FER: variants seen among roughly 807,000 people sequenced by gnomAD.
FER encodes tyrosine-protein kinase Fer.
In FER, 63 loss-of-function variants were observed where a neutral mutation model predicts 111.0. The observed-to-expected ratio is 0.57, with a 90% CI of 0.46 to 0.70. The LOEUF (loss-of-function observed/expected upper bound fraction) is 0.70. Ranked by LOEUF, FER falls within the 30% of genes least tolerant of loss-of-function variation. The pLI, the probability that FER is intolerant of heterozygous loss-of-function variation, is 0.00. For missense variants in FER, 914 were observed against 954.0 expected, an observed-to-expected ratio of 0.96 and a Z score of 0.55; for synonymous variants, 327 against 313.9, an observed-to-expected ratio of 1.04 and a Z score of -0.44.
At chr5:109,010,412 C>T (rs564991544) in intron 13 of FER, among the ~76,000 whole-genome samples, 1 of 152,206 alleles carries the variant, frequency 6.6e-6, no homozygotes, top group African/African-American at 2.4e-5. Flanking sequence ...CCGCCTCGGC[C>T]TCTCAAAGCA....
At chr5:108,945,130 T>C (rs1364681313) in intron 10 of FER, among the ~76,000 whole-genome samples, 1 of 152,188 alleles carries the variant, frequency 6.6e-6, no homozygotes, top group East Asian at 1.9e-4. Context: ...CAAAAGATGT[T>C]ATTTGTGACC....
intron 16 of FER, among the ~76,000 whole-genome samples, chr5:109,053,198 AC>A (rs972205208): frequency 1.4e-4 from 22 of 152,114 alleles, no homozygotes; most frequent in African/African-American, 5.3e-4. Flanking sequence ...AGCCTGGCCA[AC>A]ATAGCGAAAC....
At chr5:108,937,909 C>T (rs1755701197) in intron 10 of FER, among the ~76,000 whole-genome samples, 1 of 151,366 alleles carries the variant, frequency 6.6e-6, no homozygotes, top group South Asian at 2.1e-4. Flanking sequence ...TTATAAAGGG[C>T]AAGCAGTAGC....
At chr5:109,029,904 T>C (rs2094468884) in intron 13 of FER, among the ~76,000 whole-genome samples, 1 of 152,178 alleles carries the variant, frequency 6.6e-6, no homozygotes, top group African/African-American at 2.4e-5. Flanking sequence ...TTTCTTTAAG[T>C]ACTCTTTCAG....
chr5:108,840,994 A>G (rs899470432), intron 5 of FER, among the ~76,000 whole-genome samples: 1 of 152,206 alleles, frequency 6.6e-6, no homozygotes, highest in Non-Finnish European at 1.5e-5. Flanking sequence ...CATCATTTGT[A>G]AAATGCCTAG....
At chr5:108,938,563 A>T (rs1427977321) in intron 10 of FER, among the ~76,000 whole-genome samples, 2 of 152,008 alleles carry the variant, frequency 1.3e-5, no homozygotes, top group African/African-American at 2.4e-5. Flanking sequence ...ACAAGGGAGC[A>T]CCTAAGAGAC....
chr5:108,973,184 C>G (rs1050988142), intron 13 of FER, among the ~76,000 whole-genome samples: 1 of 152,078 alleles, frequency 6.6e-6, no homozygotes, highest in South Asian at 2.1e-4. Flanking sequence ...GAATGATATA[C>G]AAGAACAGAC....
At chr5:108,940,283 A>G (rs7732335) in intron 10 of FER, among the ~76,000 whole-genome samples, 43,176 of 151,900 alleles carry the variant, frequency 0.28, 6,816 homozygotes, top group African/African-American at 0.43. Context: ...ACCATAAAAG[A>G]TGTTTTTATG....
At chr5:109,150,927 G>A (rs1184911247) in intron 17 of FER, among the ~76,000 whole-genome samples, 2 of 152,084 alleles carry the variant, frequency 1.3e-5, no homozygotes, top group Admixed American at 1.3e-4. Flanking sequence ...ACTAAATAAT[G>A]TTAAGTTAAT....
intron 13 of FER, 109 bp downstream of exon 13, chr5:108,959,456 A>AGAAG: frequency 9.0e-7 from 1 of 1,105,556 alleles, no homozygotes; most frequent in Non-Finnish European, 1.2e-6. Context: ...AGTTCAGAAA[A>AGAAG]AAAGTTTTGT....
At chr5:109,058,665 A>AC (rs1773949468) in intron 16 of FER, among the ~76,000 whole-genome samples, 1 of 144,794 alleles carries the variant, frequency 6.9e-6, no homozygotes, top group East Asian at 2.0e-4. Context: ...GGCCAAAATA[A>AC]CAATTTGAAA....
At chr5:108,906,397 A>G (rs941540080) in intron 10 of FER, among the ~76,000 whole-genome samples, 5 of 151,976 alleles carry the variant, frequency 3.3e-5, no homozygotes, top group Non-Finnish European at 5.9e-5. Flanking sequence ...TTTGTGATCT[A>G]CTCTTCTCTG....
At chr5:108,813,356 G>A (rs1021945485) in intron 3 of FER, among the ~76,000 whole-genome samples, 2 of 151,962 alleles carry the variant, frequency 1.3e-5, no homozygotes, top group African/African-American at 4.8e-5. Context: ...GTGCCTTTAT[G>A]TAGTTTTCTC....
chr5:108,950,854 A>AG (rs1237713036), intron 11 of FER, among the ~76,000 whole-genome samples: 1 of 152,138 alleles, frequency 6.6e-6, no homozygotes, highest in African/African-American at 2.4e-5. Context: ...TACTACCACC[A>AG]GGCACATTCG....
At chr5:108,931,367 C>A (rs1754651351) in intron 10 of FER, among the ~76,000 whole-genome samples, 1 of 151,952 alleles carries the variant, frequency 6.6e-6, no homozygotes, top group Non-Finnish European at 1.5e-5. Context: ...TGGTGTCTCA[C>A]TGAGCTACAC....
chr5:109,066,673 A>G (rs990652853), intron 16 of FER, among the ~76,000 whole-genome samples: 1 of 152,172 alleles, frequency 6.6e-6, no homozygotes, highest in African/African-American at 2.4e-5. Flanking sequence ...ACCTAGAAAT[A>G]CACCTGTTTT....
chr5:108,851,467 G>A (rs1762540270), intron 5 of FER, among the ~76,000 whole-genome samples: 1 of 151,950 alleles, frequency 6.6e-6, no homozygotes, highest in African/African-American at 2.4e-5. Context: ...ATTTGGGTGG[G>A]GACAAAGCCA....
chr5:109,080,330 G>T (rs994654087), intron 16 of FER, among the ~76,000 whole-genome samples: 2 of 152,050 alleles, frequency 1.3e-5, no homozygotes, highest in African/African-American at 4.8e-5. Context: ...TGCTTTCTGG[G>T]AAGTGATGAA....
At chr5:108,767,131 C>A (rs369749251) in intron 1 of FER, among the ~76,000 whole-genome samples, 3 of 152,092 alleles carry the variant, frequency 2.0e-5, no homozygotes, top group East Asian at 1.9e-4. Flanking sequence ...TGGTGAAACC[C>A]TGTCTGTACT....
Sources: gnomAD v4.1 joint callset for allele counts (sites outside exome capture counted in the v4.1 genomes callset) on GRCh38, gnomAD v4.1.1 for gene constraint, MANE v1.5 for transcripts, NCBI Gene and HGNC (gene_info 2026-07-23, HGNC 2026-07-21) for gene names.